The following EIF4G3 variants were observed in gnomAD, a reference collection of about 807,000 sequenced individuals.
EIF4G3 encodes eukaryotic translation initiation factor 4 gamma 3.
Under a neutral mutation model 186.4 loss-of-function variants are expected in EIF4G3, and 34 were observed. The ratio of observed to expected loss-of-function variants is 0.18; its 90% CI spans 0.14 to 0.24. The LOEUF is 0.24. EIF4G3 is among the 10% of genes least tolerant of loss of function. The pLI, the probability that EIF4G3 is intolerant of heterozygous loss-of-function variation, is 1.00. For missense variants in EIF4G3, 1,536 were observed against 1,948.5 expected (o/e 0.79, Z 3.99); for synonymous variants, 673 against 679.5 (o/e 0.99, Z 0.15).
intron 33 of EIF4G3, among the ~76,000 whole-genome samples, chr1:20,821,871 C>CATTATT (rs35002410): frequency 1.3e-4 from 19 of 150,872 alleles, no homozygotes; most frequent in Admixed American, 2.6e-4. Flanking sequence ...ATAAACCCTA[C>CATTATT]ATTATTATTA....
chr1:21,055,670 C>T (rs949721800), intron 3 of EIF4G3, among the ~76,000 whole-genome samples: 1 of 151,854 alleles, frequency 6.6e-6, no homozygotes, highest in African/African-American at 2.4e-5. Flanking sequence ...GAAAATCTCA[C>T]CTCAAAAATT....
intron 10 of EIF4G3, among the ~76,000 whole-genome samples, chr1:20,974,386 G>A (rs1320346997): frequency 6.6e-6 from 1 of 152,152 alleles, no homozygotes; most frequent in Non-Finnish European, 1.5e-5. Context: ...GAAAACCAAG[G>A]CAGTGGTTGA....
intron 31 of EIF4G3, 113 bp downstream of exon 31, chr1:20,829,034 G>T: frequency 8.9e-7 from 1 of 1,125,370 alleles, no homozygotes; most frequent in Non-Finnish European, 1.3e-6. Context: ...GTCACAGCCT[G>T]CATTCATGAG....
In EIF4G3 at chr1:21,176,848, A is replaced by T. The variant is rs2098120866; in HGVS notation, c.-582T>A. On this transcript the variant is annotated 5_prime_UTR_variant, in exon 1 of 37. Coordinates refer to ENST00000602326, the MANE Select transcript of EIF4G3 (RefSeq NM_001391906.1). Reference sequence around the variant, plus strand: ...TGGATTTTCTTCACTCAACGAGCAGAGCATCCAACATGGCGCTGTGGCCGC... The same window carrying T: ...TGGATTTTCTTCACTCAACGAGCAGTGCATCCAACATGGCGCTGTGGCCGC... 2.9e-6 allele frequency: 2 copies of T among 701,344 alleles called. No homozygotes were observed. Among genetic ancestry groups the T allele is most frequent in the South Asian group, 3.0e-5 (2 of 67,590 alleles). The allele number at this position is 701,344 out of a possible 1,614,324, so 43.4% of individuals were successfully genotyped here.
intron 14 of EIF4G3, among the ~76,000 whole-genome samples, chr1:20,906,954 T>C (rs933155984): frequency 2.7e-5 from 4 of 150,904 alleles, no homozygotes; most frequent in African/African-American, 9.8e-5. Flanking sequence ...GAAAAGGGAG[T>C]AGAAGGGAAG....
intron 12 of EIF4G3, among the ~76,000 whole-genome samples, chr1:20,961,178 A>C (rs565946368): frequency 2.0e-4 from 31 of 152,146 alleles, no homozygotes; most frequent in African/African-American, 7.5e-4. Context: ...AGGTCAGGAG[A>C]TCAAGACCAT....
intron 11 of EIF4G3, among the ~76,000 whole-genome samples, chr1:20,971,354 TAA>T (rs549297863): frequency 1.1e-3 from 173 of 152,378 alleles, no homozygotes; most frequent in Admixed American, 3.6e-3. Context: ...TTATTTCTAA[TAA>T]AGTTTTAAGT....
intron 2 of EIF4G3, among the ~76,000 whole-genome samples, chr1:21,118,346 A>G (rs557072198): frequency 6.6e-6 from 1 of 152,346 alleles, no homozygotes; most frequent in South Asian, 2.1e-4. Flanking sequence ...CTAAAATGCA[A>G]TTAACGAAAG....
At position 21,160,878 on chromosome 1, in the gene EIF4G3, T is replaced by C. The variant is rs138327528; in HGVS notation, c.-272+15297A>G. ...GTAGGACGTGTAGTGCTGGGAGTCATGGCAGGAAAAGCATTTAGAAAGTTT... is the reference window on the plus strand; with the variant it reads ...GTAGGACGTGTAGTGCTGGGAGTCACGGCAGGAAAAGCATTTAGAAAGTTT... On this transcript the variant is annotated intron_variant, in intron 2 of 36. Coordinates refer to ENST00000602326, the MANE Select transcript of EIF4G3 (RefSeq NM_001391906.1). 1.8e-3 allele frequency among the ~76,000 whole-genome samples: 272 copies of C among 152,300 alleles called. 1 individual carries two copies. The highest frequency in any genetic ancestry group is 6.1e-3 in the African/African-American group (252 of 41,554).
At chr1:20,977,288 G>A (rs1390507531) in intron 10 of EIF4G3, among the ~76,000 whole-genome samples, 1 of 151,990 alleles carries the variant, frequency 6.6e-6, no homozygotes, top group Non-Finnish European at 1.5e-5. Context: ...CTGGGTTCAA[G>A]CAATTCTTCT....
intron 5 of EIF4G3, among the ~76,000 whole-genome samples, chr1:21,001,607 A>G (rs929348815): frequency 2.0e-5 from 3 of 152,138 alleles, no homozygotes; most frequent in Non-Finnish European, 4.4e-5. Context: ...CTTATTGACC[A>G]TTTCAGCAAA....
At chr1:20,975,945 C>T (rs2076769342) in intron 10 of EIF4G3, among the ~76,000 whole-genome samples, 1 of 151,734 alleles carries the variant, frequency 6.6e-6, no homozygotes, top group Non-Finnish European at 1.5e-5. Flanking sequence ...TGAACAGCTG[C>T]AACAGAGACC....
At chr1:20,830,810 T>C (rs1406803484) in intron 30 of EIF4G3, among the ~76,000 whole-genome samples, 1 of 152,178 alleles carries the variant, frequency 6.6e-6, no homozygotes, top group Non-Finnish European at 1.5e-5. Context: ...CAAAAAACTT[T>C]TTTGGCTGAA....
rs2154563371 is a variant in EIF4G3, at chr1:20,950,025, A to T, written c.801T>A (p.Thr267=). The T allele has an allele frequency of 6.2e-7, 1 of 1,613,630 alleles. No homozygotes were observed. The highest frequency in any genetic ancestry group is 1.1e-5 in the South Asian group (1 of 91,046). Residue 267 remains threonine (T), a synonymous_variant, in exon 13 of 37, where the codon ACT becomes ACA. Transcript: ENST00000602326. The part of the protein sequence containing the change: ...SAHLAASTPV[T]AASDQKQEEK... ...AACCTTGCTTCTGGTCGCTAGCTGC[A>T]GTGACAGGGGTGCTGGCAGCAAGAT...
At chr1:21,173,119 C>T (rs72975094) in intron 2 of EIF4G3, among the ~76,000 whole-genome samples, 41,709 of 116,120 alleles carry the variant, frequency 0.36, 7,503 homozygotes, top group Middle Eastern at 0.45. Flanking sequence ...AGCCTGGCAA[C>T]AGAGCGAGAC....
intron 14 of EIF4G3, among the ~76,000 whole-genome samples, chr1:20,933,663 GA>G: frequency 6.6e-6 from 1 of 151,548 alleles, no homozygotes; most frequent in Non-Finnish European, 1.5e-5. Context: ...CTTGTGGGGG[GA>G]AAAACAAAAA....
intron 2 of EIF4G3, among the ~76,000 whole-genome samples, chr1:21,116,316 G>T (rs555355857): frequency 6.6e-6 from 1 of 152,152 alleles, no homozygotes; most frequent in African/African-American, 2.4e-5. Context: ...TAGTATATCA[G>T]CTTGTTTAAT....
chr1:20,921,173 G>A (rs1209163407), intron 14 of EIF4G3, among the ~76,000 whole-genome samples: 1 of 151,986 alleles, frequency 6.6e-6, no homozygotes, highest in African/African-American at 2.4e-5. Flanking sequence ...TTTTTCCGTT[G>A]ATCAAATACC....
At chr1:20,995,935 CAAAT>C (rs991537961) in intron 7 of EIF4G3, among the ~76,000 whole-genome samples, 12 of 152,126 alleles carry the variant, frequency 7.9e-5, no homozygotes, top group East Asian at 1.9e-4. Context: ...AGTTATTTCT[CAAAT>C]AAATAGTTTC....
Sources: allele counts gnomAD v4.1 joint callset (sites outside exome capture counted in the v4.1 genomes callset), GRCh38; gene constraint gnomAD v4.1.1; transcripts MANE v1.5; gene names NCBI Gene and HGNC (gene_info 2026-07-23, HGNC 2026-07-21).